Variants in BNC2 observed in about 807,000 individuals in gnomAD.
BNC2 encodes the protein basonuclin zinc finger protein 2.
A neutral mutation model predicts 76.3 loss-of-function variants in BNC2; 20 were observed. That is an observed-to-expected ratio of 0.26 (90% confidence interval 0.18 to 0.38). The LOEUF (loss-of-function observed/expected upper bound fraction) is 0.38, where lower values mean the gene tolerates loss of function less well. BNC2 is among the 10% of genes least tolerant of loss of function. The pLI, the probability that BNC2 is intolerant of heterozygous loss-of-function variation, is 1.00. For synonymous variants in BNC2, 582 were observed against 514.8 expected, an observed-to-expected ratio of 1.13 and a Z score of -1.77; for missense variants, 1,382 against 1,399.8, an observed-to-expected ratio of 0.99 and a Z score of 0.20.
Position 16,413,574 on chromosome 9 carries a change from A to C in BNC2, c.*5415T>G, listed in dbSNP as rs919602249. ...TGAGGATGATGAAACTACACAAGGA[A>C]GGACGGGTATGTGGGCAACAGTGAT... On this transcript the variant is annotated 3_prime_UTR_variant, in exon 7 of 7. Transcript: ENST00000380672. The C allele has an allele frequency of 2.0e-5, 3 of 152,226 alleles. No individual in the cohort carries two copies. Among genetic ancestry groups the C allele is most frequent in the Admixed American group, 2.0e-4 (3 of 15,286 alleles). 9.4% of individuals were successfully genotyped at this position (152,226 alleles called of 1,614,324 possible). A position where few individuals can be genotyped will look rare whatever the true frequency, so the allele number is the denominator to read the frequency against.
intron 5 of BNC2, among the ~76,000 whole-genome samples, chr9:16,447,290 C>T (rs1054808576): frequency 2.0e-5 from 3 of 152,142 alleles, no homozygotes; most frequent in Admixed American, 6.5e-5. Context: ...CTAAATATAA[C>T]ATACACAAAT....
intron 2 of BNC2, among the ~76,000 whole-genome samples, chr9:16,737,518 G>C (rs543961343): frequency 6.7e-6 from 1 of 149,074 alleles, no homozygotes; most frequent in African/African-American, 2.5e-5. Context: ...CCAAAGTGCT[G>C]GGATTACAGG....
At chr9:16,507,796 T>A (rs1822664495) in intron 5 of BNC2, among the ~76,000 whole-genome samples, 1 of 152,118 alleles carries the variant, frequency 6.6e-6, no homozygotes, top group Admixed American at 6.6e-5. Flanking sequence ...CACTTAGTAA[T>A]AAATAAATGA....
chr9:16,651,163 A>G (rs1298936452), intron 3 of BNC2, among the ~76,000 whole-genome samples: 4 of 152,192 alleles, frequency 2.6e-5, no homozygotes, highest in South Asian at 2.1e-4. Context: ...ATCTTAAGCT[A>G]TACTTTCAAA....
chr9:16,816,659 TA>T (rs1191581612), intron 1 of BNC2, among the ~76,000 whole-genome samples: 1 of 152,144 alleles, frequency 6.6e-6, no homozygotes, highest in Non-Finnish European at 1.5e-5. Context: ...CGGCACTTGT[TA>T]AAAAATTAAT....
intron 3 of BNC2, among the ~76,000 whole-genome samples, chr9:16,668,483 C>T (rs975935669): frequency 6.6e-6 from 1 of 152,148 alleles, no homozygotes; most frequent in African/African-American, 2.4e-5. Flanking sequence ...ATTCTGATTT[C>T]AAGTGAGAGT....
chr9:16,499,897 T>C (rs1449321574), intron 5 of BNC2, among the ~76,000 whole-genome samples: 1 of 151,976 alleles, frequency 6.6e-6, no homozygotes, highest in Admixed American at 6.6e-5. Context: ...TCAATCTTCA[T>C]TCTAACTACT....
chr9:16,431,340 A>C, intron 6 of BNC2: 1 of 355,584 alleles, frequency 2.8e-6, no homozygotes, highest in South Asian at 2.2e-5. Context: ...TATGCCACTC[A>C]GCTCCTGGGG....
chr9:16,541,390 T>C (rs997562712), intron 5 of BNC2, among the ~76,000 whole-genome samples: 5 of 152,232 alleles, frequency 3.3e-5, no homozygotes, highest in Admixed American at 2.0e-4. Context: ...GAACTGCCTC[T>C]ATGGATCTCA....
chr9:16,502,190 C>A (rs926443575), intron 5 of BNC2, among the ~76,000 whole-genome samples: 1 of 151,860 alleles, frequency 6.6e-6, no homozygotes, highest in African/African-American at 2.4e-5. Flanking sequence ...TGGTGAGATC[C>A]CACCTGTACA....
intron 1 of BNC2, among the ~76,000 whole-genome samples, chr9:16,794,017 T>C (rs1193082439): frequency 6.6e-6 from 1 of 152,102 alleles, no homozygotes; most frequent in East Asian, 1.9e-4. Context: ...TTTCACATCT[T>C]GAAACAGAAA....
At chr9:16,757,011 A>G (rs1486026462) in intron 1 of BNC2, among the ~76,000 whole-genome samples, 1 of 146,322 alleles carries the variant, frequency 6.8e-6, no homozygotes, top group African/African-American at 2.5e-5. Context: ...AAAAAAAAAT[A>G]GACCCAAGAA....
chr9:16,525,986 A>G (rs1298628993), intron 5 of BNC2, among the ~76,000 whole-genome samples: 1 of 152,090 alleles, frequency 6.6e-6, no homozygotes, highest in Non-Finnish European at 1.5e-5. Flanking sequence ...ACTTATGACT[A>G]AATACTTTTT....
intron 5 of BNC2, among the ~76,000 whole-genome samples, chr9:16,515,917 G>A (rs1370359536): frequency 1.4e-5 from 2 of 148,108 alleles, no homozygotes; most frequent in Non-Finnish European, 3.0e-5. Flanking sequence ...GATAATGGCA[G>A]TTTGAGAGGA....
intron 3 of BNC2, among the ~76,000 whole-genome samples, chr9:16,637,848 A>G (rs1217263826): frequency 6.6e-6 from 1 of 152,252 alleles, no homozygotes; most frequent in African/African-American, 2.4e-5. Context: ...AAGAAAAAAA[A>G]ATGCATAGAT....
intron 1 of BNC2, among the ~76,000 whole-genome samples, chr9:16,750,918 T>G (rs187657619): frequency 6.6e-6 from 1 of 152,328 alleles, no homozygotes; most frequent in Admixed American, 6.5e-5. Context: ...GGAGATGAAT[T>G]CAGGAGATGC....
intron 6 of BNC2, among the ~76,000 whole-genome samples, chr9:16,430,261 G>T (rs986757936): frequency 3.3e-5 from 5 of 152,000 alleles, no homozygotes; most frequent in Admixed American, 1.3e-4. Flanking sequence ...TGTTGTAAGA[G>T]AATTTTAGAA....
chr9:16,548,859 A>G (rs966642143), intron 5 of BNC2, among the ~76,000 whole-genome samples: 2 of 152,198 alleles, frequency 1.3e-5, no homozygotes, highest in African/African-American at 4.8e-5. Flanking sequence ...AGTACACAGG[A>G]GAATATTGGG....
At chr9:16,491,318 C>T (rs927657673) in intron 5 of BNC2, among the ~76,000 whole-genome samples, 4 of 152,176 alleles carry the variant, frequency 2.6e-5, no homozygotes, top group Admixed American at 1.3e-4. Flanking sequence ...GATCCTTCCA[C>T]TGCAGTGATA....
Sources: gnomAD v4.1 joint callset for allele counts (sites outside exome capture counted in the v4.1 genomes callset) on GRCh38, gnomAD v4.1.1 for gene constraint, MANE v1.5 for transcripts, NCBI Gene and HGNC (gene_info 2026-07-23, HGNC 2026-07-21) for gene names.